AKAP13: variants seen among roughly 807,000 people sequenced by gnomAD.
The protein encoded by AKAP13 is A-kinase anchor protein 13.
AKAP13 carries 80 observed loss-of-function variants against 264.5 expected under a neutral mutation model. That is an observed-to-expected ratio of 0.30 (90% CI 0.25 to 0.36). The LOEUF is 0.36. Ranked by LOEUF, AKAP13 falls within the 10% of genes least tolerant of loss-of-function variation. The probability of loss-of-function intolerance (pLI) is 1.00; values close to 1 mark genes in which losing one functional copy is unlikely to be tolerated. For missense variants in AKAP13, 3,712 were observed against 3,435.2 expected, an observed-to-expected ratio of 1.08 and a Z score of -2.01; for synonymous variants, 1,380 against 1,250.2, an observed-to-expected ratio of 1.10 and a Z score of -2.19.
At chr15:85,600,544 A>G (rs927500629) in intron 8 of AKAP13, among the ~76,000 whole-genome samples, 8 of 152,232 alleles carry the variant, frequency 5.3e-5, no homozygotes, top group African/African-American at 1.7e-4. Context: ...CTGCTGGGCC[A>G]TTTTTAATGT....
chr15:85,543,642 T>C, intron 4 of AKAP13, 130 bp from the exon 5 acceptor site: 1 of 1,049,586 alleles, frequency 9.5e-7, no homozygotes, highest in East Asian at 2.6e-5. Context: ...GTTCACACTG[T>C]ATGTTGTAGC....
chr15:85,582,476 G>A lies in AKAP13; in HGVS notation c.4039+369G>A, dbSNP rs560148916. 2.6e-5 allele frequency among the ~76,000 whole-genome samples: 4 copies of A among 152,218 alleles called. No individual in the cohort carries two copies. The East Asian group carries it at 7.7e-4, about 29-fold the overall frequency. Reference sequence around the variant, plus strand: ...CTTAATCCTTTTCTCTAGTACCATAGAAAACAGTGCCAAAAAGCTGTGTTT... The same window carrying A: ...CTTAATCCTTTTCTCTAGTACCATAAAAAACAGTGCCAAAAAGCTGTGTTT... On this transcript the variant is annotated intron_variant, in intron 7 of 36. Coordinates refer to ENST00000394518, the MANE Select transcript of AKAP13 (RefSeq NM_007200.5).
chr15:85,563,861 G>C (rs995055708), intron 5 of AKAP13, among the ~76,000 whole-genome samples: 4 of 152,222 alleles, frequency 2.6e-5, no homozygotes, highest in Non-Finnish European at 5.9e-5. Flanking sequence ...TAAAAGGACT[G>C]TTACATTTTT....
intron 11 of AKAP13, among the ~76,000 whole-genome samples, chr15:85,656,689 C>T (rs934732765): frequency 4.6e-5 from 7 of 152,150 alleles, no homozygotes. Flanking sequence ...ACCTTGTGAT[C>T]CACCCGCCTC....
intron 12 of AKAP13, among the ~76,000 whole-genome samples, chr15:85,660,809 C>A (rs992530654): frequency 6.6e-6 from 1 of 152,144 alleles, no homozygotes; most frequent in African/African-American, 2.4e-5. Context: ...CTAATTTAAT[C>A]TGATTTAAAA....
At chr15:85,713,527 C>T (rs963197083) in intron 19 of AKAP13, among the ~76,000 whole-genome samples, 1 of 133,014 alleles carries the variant, frequency 7.5e-6, no homozygotes, top group African/African-American at 2.9e-5. Flanking sequence ...AACTCTTAAG[C>T]TCATTCTCTT....
chr15:85,600,734 A>G (rs971001016), intron 8 of AKAP13, among the ~76,000 whole-genome samples: 1 of 152,236 alleles, frequency 6.6e-6, no homozygotes, highest in South Asian at 2.1e-4. Flanking sequence ...AAAAGCATTT[A>G]TGTCCTGATG....
In AKAP13 at chr15:85,580,743, C is replaced by T. The variant is rs1567137550; in HGVS notation, c.2675C>T (p.Ser892Phe). The change falls in exon 7 of 37, where the codon TCT becomes TTT. Residue 892 changes from serine to phenylalanine, a missense_variant. By Grantham distance (155) the Ser-to-Phe change is radical. Coordinates refer to ENST00000394518, the MANE Select transcript of AKAP13 (RefSeq NM_007200.5). ...CTGAATATCAAGGGGAACACTGACT[C>T]TTCCCTGCAAAGTGTGGGTAAGGCC... is the stretch of plus-strand genomic sequence containing the variant. ...EALNIKGNTD[S>F]SLQSVGKATL... is the part of the protein sequence containing the mutation. The T allele has an allele frequency of 6.2e-7, 1 of 1,614,054 alleles. No homozygotes were observed. The highest frequency in any genetic ancestry group is 1.3e-5 in the African/African-American group (1 of 74,934).
At chr15:85,666,858 A>G (rs1276280595) in intron 13 of AKAP13, among the ~76,000 whole-genome samples, 1 of 152,246 alleles carries the variant, frequency 6.6e-6, no homozygotes, top group Non-Finnish European at 1.5e-5. Context: ...TGTCCTCATT[A>G]TCACTTACCA....
rs35886054 is a variant in AKAP13 at position 85,507,383 on chromosome 15, C to CAAAA, written c.34-14034_34-14031dup. Among the ~76,000 whole-genome samples the CAAAA allele has an allele frequency of 4.5e-3, 622 of 137,678 alleles. 5 individuals carry two copies. Among genetic ancestry groups the CAAAA allele is most frequent in the Non-Finnish European group, 5.7e-3 (368 of 64,088 alleles). 90.3% of individuals were successfully genotyped at this position (137,678 alleles called of 152,430 possible). On this transcript the variant is annotated intron_variant, in intron 2 of 36. Coordinates refer to ENST00000394518, the MANE Select transcript of AKAP13 (RefSeq NM_007200.5). Reference sequence around the variant, plus strand: ...TTGTCTATGGCTCCTTTTGTGCTACCAAAAAAAAAAAAAACATAAGAAACG... The same window carrying CAAAA: ...TTGTCTATGGCTCCTTTTGTGCTACCAAAAAAAAAAAAAAAAAACATAAGAAACG...
chr15:85,725,073 C>T lies in AKAP13; in HGVS notation c.6746-1337C>T, dbSNP rs543355758. 3.9e-5 allele frequency among the ~76,000 whole-genome samples: 6 copies of T among 152,278 alleles called. No individual in the cohort carries two copies. In the South Asian group the frequency reaches 8.3e-4, roughly 21 times the overall value. On this transcript the variant is annotated intron_variant, in intron 26 of 36. Transcript: ENST00000394518. The stretch of plus-strand genomic sequence containing the variant: ...TAGAGCTGCTGTTGCCTGGATCCAG[C>T]GCTTTATTCTTTCCTTTACATAGCA...
At chr15:85,519,699 G>A (rs938269140) in intron 2 of AKAP13, among the ~76,000 whole-genome samples, 4 of 152,166 alleles carry the variant, frequency 2.6e-5, no homozygotes, top group Non-Finnish European at 4.4e-5. Flanking sequence ...CCTTGGATTA[G>A]GATACTGTTG....
rs192166813 is a variant in AKAP13 at position 85,725,703 on chromosome 15, G to A, written c.6746-707G>A. 1.4e-4 allele frequency among the ~76,000 whole-genome samples: 21 copies of A among 152,298 alleles called. No homozygotes were observed. The East Asian group carries it at 2.5e-3, about 18-fold the overall frequency. On this transcript the variant is annotated intron_variant, in intron 26 of 36. Transcript: ENST00000394518. The stretch of plus-strand genomic sequence containing the variant: ...TACATAGGGGCCAACCTGCTAGCTC[G>A]AGATAGACTCAACTCCAGAGACATC...
chr15:85,640,939 C>T (rs1158643690), intron 9 of AKAP13, among the ~76,000 whole-genome samples: 2 of 152,068 alleles, frequency 1.3e-5, no homozygotes, highest in East Asian at 1.9e-4. Flanking sequence ...ACACCCTAAC[C>T]CCAAGCATAA....
At chr15:85,618,707 T>C (rs756031880) in intron 8 of AKAP13, among the ~76,000 whole-genome samples, 7 of 152,176 alleles carry the variant, frequency 4.6e-5, no homozygotes, top group Non-Finnish European at 8.8e-5. Flanking sequence ...TTAGTGTGCA[T>C]AGAAACACTG....
At position 85,585,768 on chromosome 15, in the gene AKAP13, C is replaced by T. The variant is rs754097543; in HGVS notation, c.4106C>T (p.Ala1369Val). The change falls in exon 8 of 37, where the codon GCT (alanine) becomes GTT (valine). Residue 1369 changes from alanine to valine, a missense_variant. Physicochemically the swap from Ala to Val is moderately conservative, Grantham distance 64. Coordinates refer to ENST00000394518, the MANE Select transcript of AKAP13 (RefSeq NM_007200.5). Reference protein sequence around the residue: ...FRASSISEEVAVGSIAATLKM... With the variant: ...FRASSISEEVVVGSIAATLKM... ...GCAAGTTCAATTTCTGAAGAAGTGG[C>T]TGTAGGGAGCATAGCTGCTACACTG... 1.9e-6 allele frequency: 3 copies of T among 1,614,024 alleles called. No homozygotes were observed. In the African/African-American group the frequency reaches 4.0e-5, roughly 22 times the overall value.
intron 16 of AKAP13, among the ~76,000 whole-genome samples, chr15:85,686,077 C>A (rs2084894732): frequency 6.6e-6 from 1 of 152,070 alleles, no homozygotes; most frequent in South Asian, 2.1e-4. Context: ...CCACAACACC[C>A]TCTAACAAAA....
At chr15:85,575,042 G>T in intron 5 of AKAP13, 89 bp from the exon 6 acceptor site, 1 of 1,308,290 alleles carries the variant, frequency 7.6e-7, no homozygotes, top group South Asian at 1.2e-5. Context: ...AGAACAATCA[G>T]GTTAGAAATA....
chr15:85,662,105 A>C (rs890715748), intron 12 of AKAP13, among the ~76,000 whole-genome samples: 3 of 152,196 alleles, frequency 2.0e-5, no homozygotes, highest in African/African-American at 7.2e-5. Context: ...GCCACAGTTC[A>C]CTAGAAGGAA....
Sources: gnomAD v4.1 joint callset for allele counts (sites outside exome capture counted in the v4.1 genomes callset) on GRCh38, gnomAD v4.1.1 for gene constraint, MANE v1.5 for transcripts, NCBI Gene and HGNC (gene_info 2026-07-23, HGNC 2026-07-21) for gene names.